The following USP25 variants were observed in gnomAD, a reference collection of about 807,000 sequenced individuals.
USP25 encodes the protein ubiquitin carboxyl-terminal hydrolase 25.
USP25 carries 85 observed loss-of-function variants against 158.5 expected under a neutral mutation model. That is an observed-to-expected ratio of 0.54 (90% CI 0.45 to 0.64). USP25 has a LOEUF of 0.64. USP25 is among the 30% of genes least tolerant of loss of function. The probability of loss-of-function intolerance (pLI) is 0.00; values close to 1 mark genes in which losing one functional copy is unlikely to be tolerated. For synonymous variants in USP25, 464 were observed against 460.4 expected (o/e 1.01, Z -0.10); for missense variants, 1,242 against 1,327.3 (o/e 0.94, Z 1.00).
intron 10 of USP25, 82 bp downstream of exon 10, chr21:15,818,928 AG>A: frequency 7.0e-7 from 1 of 1,420,872 alleles, no homozygotes. Context: ...TTCTAATTAT[AG>A]AGCTACCTAA....
At chr21:15,834,466 G>T (rs2037964413) in intron 17 of USP25, among the ~76,000 whole-genome samples, 1 of 151,594 alleles carries the variant, frequency 6.6e-6, no homozygotes, top group Admixed American at 6.6e-5. Flanking sequence ...TGCATGTTTT[G>T]TGTTTTAAGG....
intron 1 of USP25, among the ~76,000 whole-genome samples, chr21:15,761,900 G>A (rs904878970): frequency 2.6e-5 from 4 of 151,960 alleles, no homozygotes; most frequent in Admixed American, 6.6e-5. Flanking sequence ...TGCCCTATGC[G>A]CCTTGGTCAA....
chr21:15,834,323 T>C (rs1393112710), intron 17 of USP25, among the ~76,000 whole-genome samples: 2 of 152,206 alleles, frequency 1.3e-5, no homozygotes, highest in African/African-American at 2.4e-5. Flanking sequence ...TAGGGCAACA[T>C]GTTTTCTGGT....
intron 19 of USP25, 103 bp downstream of exon 19, chr21:15,847,879 T>C (rs923930557): frequency 1.6e-6 from 1 of 632,642 alleles, no homozygotes; most frequent in South Asian, 2.8e-5. Flanking sequence ...TATTGCCACA[T>C]AACATACAGC....
chr21:15,737,598 T>C (rs563444641), intron 1 of USP25, among the ~76,000 whole-genome samples: 109 of 152,252 alleles, frequency 7.2e-4, no homozygotes, highest in African/African-American at 2.6e-3. Context: ...TAATGTTAGT[T>C]GTTTTAACTT....
intron 5 of USP25, 186 bp from the exon 6 acceptor site, chr21:15,799,571 A>G: frequency 2.3e-6 from 1 of 425,616 alleles, no homozygotes; most frequent in Non-Finnish European, 4.3e-6. Flanking sequence ...TCAAGTATCA[A>G]GAATGGTATG....
At chr21:15,778,869 A>G (rs563080274) in intron 4 of USP25, among the ~76,000 whole-genome samples, 6 of 152,268 alleles carry the variant, frequency 3.9e-5, no homozygotes, top group Non-Finnish European at 7.4e-5. Flanking sequence ...TTCCAAAGGC[A>G]CACAGCTCAG....
chr21:15,785,000 G>A (rs2035192180), intron 4 of USP25, among the ~76,000 whole-genome samples: 1 of 150,214 alleles, frequency 6.7e-6, no homozygotes, highest in East Asian at 2.0e-4. Flanking sequence ...ACTGTATGTT[G>A]CCTACAAGAG....
intron 4 of USP25, 85 bp from the exon 5 acceptor site, chr21:15,791,417 G>A: frequency 1.5e-6 from 2 of 1,316,294 alleles, no homozygotes; most frequent in South Asian, 2.1e-5. Context: ...GAAATCTTAT[G>A]TAATGAAAAT....
At chr21:15,769,439 C>T (rs537778990) in intron 3 of USP25, among the ~76,000 whole-genome samples, 9 of 152,130 alleles carry the variant, frequency 5.9e-5, no homozygotes, top group South Asian at 2.1e-4. Context: ...AATTAGCAAA[C>T]GTACTAGGTA....
At chr21:15,845,159 G>GTGGCCGTGGACTTAGATAGCTTTT (rs1197645200) in intron 18 of USP25, among the ~76,000 whole-genome samples, 1 of 152,138 alleles carries the variant, frequency 6.6e-6, no homozygotes, top group African/African-American at 2.4e-5. Context: ...GCACATTAAT[G>GTGGCCGTGGACTTAGATAGCTTTT]TGGCCGTGGA....
intron 22 of USP25, 33 bp from the exon 23 acceptor site, chr21:15,870,035 C>A: frequency 6.6e-7 from 1 of 1,508,586 alleles, no homozygotes; most frequent in Non-Finnish European, 9.1e-7. Flanking sequence ...AAATCTTACT[C>A]TGAACATTTT....
rs2040166608 is a variant in USP25 at position 15,878,004 on chromosome 21, AATGG to A, written c.3205+14_3205+17del. 2 of 1,601,312 alleles carry A rather than the reference AATGG, an allele frequency of 1.2e-6. No individual in the cohort carries two copies. Among genetic ancestry groups the A allele is most frequent in the Non-Finnish European group, 1.7e-6 (2 of 1,173,594 alleles). On this transcript the variant is annotated intron_variant, in intron 25 of 25. Transcript: ENST00000400183. Reference sequence around the variant, plus strand: ...CAAGAAATGGAACGTAAGTTTAAACAATGGTAGTAGGCACCTGAGATGTCCGGAT... The same window carrying A: ...CAAGAAATGGAACGTAAGTTTAAACATAGTAGGCACCTGAGATGTCCGGAT...
At chr21:15,747,458 G>A (rs561969317) in intron 1 of USP25, among the ~76,000 whole-genome samples, 408 of 151,298 alleles carry the variant, frequency 2.7e-3, no homozygotes, top group Non-Finnish European at 5.2e-3. Flanking sequence ...TATAAATTAG[G>A]CACTATATAA....
At chr21:15,854,355 A>G (rs908276433) in intron 20 of USP25, among the ~76,000 whole-genome samples, 3 of 152,074 alleles carry the variant, frequency 2.0e-5, no homozygotes, top group Middle Eastern at 6.3e-3. Flanking sequence ...CATATTGGCC[A>G]GGCTGGCCTC....
chr21:15,877,101 T>C (rs1444108022), intron 24 of USP25: 3 of 152,182 alleles, frequency 2.0e-5, no homozygotes, highest in Admixed American at 6.5e-5. Flanking sequence ...ATATATTGGG[T>C]ATTATTGTCT....
intron 6 of USP25, among the ~76,000 whole-genome samples, chr21:15,803,709 G>C (rs2036241043): frequency 1.3e-5 from 2 of 151,848 alleles, no homozygotes; most frequent in South Asian, 4.1e-4. Context: ...CGGTGATAAA[G>C]AAACTGATCT....
At chr21:15,786,595 A>C (rs2035289484) in intron 4 of USP25, among the ~76,000 whole-genome samples, 1 of 152,168 alleles carries the variant, frequency 6.6e-6, no homozygotes, top group Non-Finnish European at 1.5e-5. Context: ...AAAAACTCTC[A>C]AAATAGATAT....
At chr21:15,754,289 T>G (rs1261805774) in intron 1 of USP25, among the ~76,000 whole-genome samples, 1 of 152,212 alleles carries the variant, frequency 6.6e-6, no homozygotes, top group Non-Finnish European at 1.5e-5. Context: ...GCTTGTCTTG[T>G]GATATGGCTT....
Sources: gnomAD v4.1 joint callset for allele counts (sites outside exome capture counted in the v4.1 genomes callset) on GRCh38, gnomAD v4.1.1 for gene constraint, MANE v1.5 for transcripts, NCBI Gene and HGNC (gene_info 2026-07-23, HGNC 2026-07-21) for gene names.